DAPK2: variants seen among roughly 807,000 people sequenced by gnomAD.
DAPK2 encodes death associated protein kinase 2.
In DAPK2, 35 loss-of-function variants were observed where a neutral mutation model predicts 44.1. The observed-to-expected ratio is 0.79, with a 90% CI of 0.61 to 1.05. DAPK2 has a LOEUF of 1.05. DAPK2 is among the 50% of genes least tolerant of loss of function. DAPK2 has a pLI of 0.00. For missense variants in DAPK2, 453 were observed against 483.2 expected, an observed-to-expected ratio of 0.94 and a Z score of 0.59; for synonymous variants, 174 against 182.6, an observed-to-expected ratio of 0.95 and a Z score of 0.38.
intron 1 of DAPK2, among the ~76,000 whole-genome samples, chr15:64,021,516 A>G (rs1595901363): frequency 1.3e-5 from 2 of 152,204 alleles, no homozygotes; most frequent in African/African-American, 4.8e-5. Context: ...TGATGGCTTT[A>G]CCAGCCCCTG....
At chr15:64,028,769 A>G (rs2079926365) in intron 1 of DAPK2, among the ~76,000 whole-genome samples, 1 of 152,144 alleles carries the variant, frequency 6.6e-6, no homozygotes, top group East Asian at 1.9e-4. Context: ...AGGTAGACAG[A>G]CAGACAGACA....
In DAPK2 at chr15:63,917,884, C is replaced by G. The variant is rs1227663733; in HGVS notation, c.859-5687G>C. The G allele has an allele frequency of 6.6e-6, 1 of 152,208 alleles. No individual in the cohort carries two copies. Among genetic ancestry groups the G allele is most frequent in the Non-Finnish European group, 1.5e-5 (1 of 68,042 alleles). The allele number at this position is 152,208 out of a possible 1,614,324, so 9.4% of individuals were successfully genotyped here. The stretch of plus-strand genomic sequence containing the variant: ...TTGATTTCTAGGAGATGAGGAAGCT[C>G]TATTTTATCACTCACCATAGCTTTT... On this transcript the variant is annotated intron_variant, in intron 8 of 10. Transcript: ENST00000261891. The surrounding 1 kb of genome is among the most constrained non-coding windows in gnomAD (Gnocchi z 4.4).
chr15:64,008,351 C>G (rs1422137294), intron 1 of DAPK2, among the ~76,000 whole-genome samples: 1 of 152,186 alleles, frequency 6.6e-6, no homozygotes, highest in African/African-American at 2.4e-5. Context: ...ACAGTCAGTG[C>G]TCTCCCCATT....
chr15:63,923,221 G>T lies in DAPK2; in HGVS notation c.858+1595C>A. On this transcript the variant is annotated intron_variant, in intron 8 of 10. Transcript: ENST00000261891. This position sits in a 1 kb window ranked among gnomAD's most constrained non-coding sequence, Gnocchi z 4.2. ...CCACACAGGCAAAACGCTCGAAGTTGACATAGGAGTTGTTGGGAGGCATGC... is the reference window on the plus strand; with the variant it reads ...CCACACAGGCAAAACGCTCGAAGTTTACATAGGAGTTGTTGGGAGGCATGC... 6.5e-7 allele frequency: 1 copy of T among 1,535,932 alleles called. No individual in the cohort carries two copies. Among genetic ancestry groups the T allele is most frequent in the South Asian group, 1.2e-5 (1 of 84,042 alleles).
intron 1 of DAPK2, among the ~76,000 whole-genome samples, chr15:64,037,652 T>C (rs1486553001): frequency 1.3e-5 from 2 of 152,108 alleles, no homozygotes; most frequent in East Asian, 1.9e-4. Flanking sequence ...GAGAAAAGAA[T>C]AGGACTGTCC....
At chr15:63,991,448 C>T (rs2078815722) in intron 1 of DAPK2, 2 of 407,200 alleles carry the variant, frequency 4.9e-6, no homozygotes, top group South Asian at 1.8e-5. Flanking sequence ...CCCTCCCTGA[C>T]CTTGTTGCTA....
rs572424184 is a variant in DAPK2, at chr15:63,983,633, C to T, written c.214G>A (p.Glu72Lys). Residue 72 changes from glutamate to lysine, a missense_variant, in exon 2 of 11, where the codon GAG (glutamate) becomes AAG (lysine). By Grantham distance (56) the Glu-to-Lys change is moderately conservative. Transcript: ENST00000261891. ...TGCCGCAGGATGCTCACCTCCCGCTCGATCTCCTCCCGGCTCACACCGCGC... is the reference window on the plus strand; with the variant it reads ...TGCCGCAGGATGCTCACCTCCCGCTTGATCTCCTCCCGGCTCACACCGCGC... 29 of 1,614,144 alleles carry T rather than the reference C, an allele frequency of 1.8e-5. No homozygotes were observed. Among genetic ancestry groups the T allele is most frequent in the African/African-American group, 8.0e-5 (6 of 75,040 alleles).
intron 1 of DAPK2, among the ~76,000 whole-genome samples, chr15:64,011,048 T>C (rs997924557): frequency 6.6e-6 from 1 of 152,138 alleles, no homozygotes; most frequent in Non-Finnish European, 1.5e-5. Flanking sequence ...CCACTCATGG[T>C]AGGCACCCAA....
In DAPK2 at chr15:63,966,075, C is replaced by T. The variant is rs1215466626; in HGVS notation, c.453+5348G>A. Among the ~76,000 whole-genome samples, 1 of 152,234 alleles carries T rather than the reference C, an allele frequency of 6.6e-6. No individual in the cohort carries two copies. The highest frequency in any genetic ancestry group is 2.4e-5 in the African/African-American group (1 of 41,458). On this transcript the variant is annotated intron_variant, in intron 3 of 10. Coordinates refer to ENST00000261891, the Ensembl canonical transcript of DAPK2. This position sits in a 1 kb window ranked among gnomAD's most constrained non-coding sequence, Gnocchi z 5.5. The stretch of plus-strand genomic sequence containing the variant: ...TGAAGCCAGCATGTCTCTGAGTGCA[C>T]ATCTCTGAGTGATACACTGGATGTC...
At chr15:63,967,678 G>A (rs532275883) in intron 3 of DAPK2, among the ~76,000 whole-genome samples, 2 of 152,266 alleles carry the variant, frequency 1.3e-5, no homozygotes, top group South Asian at 2.1e-4. Context: ...GCAACAGAGC[G>A]AGACTCTGTC....
intron 3 of DAPK2, among the ~76,000 whole-genome samples, chr15:63,947,367 C>T (rs2077477324): frequency 6.6e-6 from 1 of 152,176 alleles, no homozygotes; most frequent in Non-Finnish European, 1.5e-5. Context: ...CCTTGCCTTT[C>T]ATTTCCATCC....
At chr15:64,032,776 C>T (rs1047366212) in intron 1 of DAPK2, among the ~76,000 whole-genome samples, 2 of 151,796 alleles carry the variant, frequency 1.3e-5, no homozygotes, top group Admixed American at 6.6e-5. Flanking sequence ...CATGGCGAAA[C>T]CCTGTCCCTA....
At chr15:63,937,748 T>C (rs886123297) in intron 4 of DAPK2, among the ~76,000 whole-genome samples, 2 of 152,268 alleles carry the variant, frequency 1.3e-5, no homozygotes, top group Admixed American at 1.3e-4. Context: ...TGTCTTGTGA[T>C]ACCTCTTCCT....
intron 3 of DAPK2, among the ~76,000 whole-genome samples, chr15:63,941,321 G>C (rs1222767876): frequency 6.6e-6 from 1 of 152,034 alleles, no homozygotes; most frequent in African/African-American, 2.4e-5. Context: ...AGGCTTATTT[G>C]AACCTTTCTG....
At chr15:64,002,201 C>G (rs1046943865) in intron 1 of DAPK2, among the ~76,000 whole-genome samples, 1 of 152,200 alleles carries the variant, frequency 6.6e-6, no homozygotes, top group Non-Finnish European at 1.5e-5. Context: ...TGATCCCCAT[C>G]TGGTGGAAAC....
chr15:63,962,891 C>A (rs1462738628), intron 3 of DAPK2, among the ~76,000 whole-genome samples: 3 of 152,340 alleles, frequency 2.0e-5, no homozygotes, highest in Non-Finnish European at 4.4e-5. Flanking sequence ...CAGACAAGGA[C>A]GTTTAAGTTT....
At chr15:64,025,937 G>T (rs899008287) in intron 1 of DAPK2, among the ~76,000 whole-genome samples, 1 of 152,206 alleles carries the variant, frequency 6.6e-6, no homozygotes, top group Non-Finnish European at 1.5e-5. Flanking sequence ...CTCTGTAAAA[G>T]CCAATCTTAG....
At position 63,980,384 on chromosome 15, in the gene DAPK2, T is replaced by C. The variant is rs914379026; in HGVS notation, c.314+3149A>G. On this transcript the variant is annotated intron_variant, in intron 2 of 10. Coordinates refer to ENST00000261891, the Ensembl canonical transcript of DAPK2. This position sits in a 1 kb window ranked among gnomAD's most constrained non-coding sequence, Gnocchi z 4.3. ...ATTATAGTAAGAAAGTATCAATTTA[T>C]AGCTATAAAGATCAATAAATAATGA... is the stretch of plus-strand genomic sequence containing the variant. 2.6e-5 allele frequency among the ~76,000 whole-genome samples: 4 copies of C among 152,224 alleles called. No individual in the cohort carries two copies. The highest frequency in any genetic ancestry group is 6.5e-5 in the Admixed American group (1 of 15,288).
At chr15:63,996,532 C>T (rs550214707) in intron 1 of DAPK2, among the ~76,000 whole-genome samples, 25 of 152,324 alleles carry the variant, frequency 1.6e-4, no homozygotes, top group Non-Finnish European at 3.1e-4. Flanking sequence ...TGGAGGGCAT[C>T]TGGCTTTTGA....
Sources: gnomAD v4.1 joint callset for allele counts (sites outside exome capture counted in the v4.1 genomes callset) on GRCh38, gnomAD v4.1.1 for gene constraint, Gnocchi (gnomAD v3.1) non-coding constraint, MANE v1.5 for transcripts, NCBI Gene and HGNC (gene_info 2026-07-23, HGNC 2026-07-21) for gene names.